The following ADCY7 variants were observed in gnomAD, a reference collection of about 807,000 sequenced individuals.
The protein encoded by ADCY7 is adenylate cyclase type 7.
In ADCY7, 72 loss-of-function variants were observed where a neutral mutation model predicts 120.6. The ratio of observed to expected loss-of-function variants is 0.60; its 90% confidence interval spans 0.49 to 0.73. ADCY7 has a LOEUF of 0.73. ADCY7 is among the 30% of genes least tolerant of loss of function. The probability of loss-of-function intolerance (pLI) is 0.00; values close to 1 mark genes in which losing one functional copy is unlikely to be tolerated. For synonymous variants in ADCY7, 661 were observed against 628.0 expected, an observed-to-expected ratio of 1.05 and a Z score of -0.78; for missense variants, 1,227 against 1,486.0, an observed-to-expected ratio of 0.83 and a Z score of 2.87.
At chr16:50,299,962 C>T (rs2035609438) in intron 8 of ADCY7, among the ~76,000 whole-genome samples, 1 of 152,178 alleles carries the variant, frequency 6.6e-6, no homozygotes, top group East Asian at 1.9e-4. Context: ...ACTCCCAGGG[C>T]CCCTGCTTCC....
In ADCY7 at chr16:50,313,235, G is replaced by A; in HGVS notation, c.2751+199G>A. The A allele has an allele frequency of 8.8e-6, 5 of 567,624 alleles. No individual in the cohort carries two copies. The South Asian group carries it at 1.1e-4, about 12-fold the overall frequency. 35.2% of individuals were successfully genotyped at this position (567,624 alleles called of 1,614,324 possible). On this transcript the variant is annotated intron_variant, in intron 22 of 25. Transcript: ENST00000673801. Reference sequence around the variant, plus strand: ...AGTTCGAGACCAGCCTGGCCAACATGGCGAAACCCTGTCTCTACTGAAAAT... The same window carrying A: ...AGTTCGAGACCAGCCTGGCCAACATAGCGAAACCCTGTCTCTACTGAAAAT...
rs553347319 is a variant in ADCY7, at chr16:50,267,586, G to T, written c.-269+906G>T. 5.3e-5 allele frequency among the ~76,000 whole-genome samples: 8 copies of T among 152,326 alleles called. 1 individual carries two copies. The South Asian group carries it at 1.7e-3, about 32-fold the overall frequency. On this transcript the variant is annotated intron_variant, in intron 1 of 25. Transcript: ENST00000673801. ...CCTTCACTAGCATCACCATCTTGCA[G>T]ATGGAGGCTGTGAGGGGTGGACTCA...
At chr16:50,303,925 C>G (rs1247401521) in intron 10 of ADCY7, among the ~76,000 whole-genome samples, 1 of 152,114 alleles carries the variant, frequency 6.6e-6, no homozygotes, top group Non-Finnish European at 1.5e-5. Context: ...CTGTGGCTTT[C>G]CCAGGCGCCT....
chr16:50,305,624 C>G, intron 13 of ADCY7, 38 bp downstream of exon 13: 13 of 1,555,356 alleles, frequency 8.4e-6, no homozygotes, highest in African/African-American at 1.4e-5. Flanking sequence ...CCTCTCCTCT[C>G]CCCCTCGGAT....
chr16:50,281,028 T>G lies in ADCY7; in HGVS notation c.-268-6884T>G, dbSNP rs142750832. On this transcript the variant is annotated intron_variant, in intron 1 of 25. Transcript: ENST00000673801. ...GGCTCATGCCGTTGGGGAATTTCAG[T>G]CTTTGCCCCTGCTCGGCAACTTTGC... Among the ~76,000 whole-genome samples the G allele has an allele frequency of 2.6e-5, 4 of 152,138 alleles. No homozygotes were observed. The East Asian group carries it at 7.7e-4, about 29-fold the overall frequency.
intron 20 of ADCY7, 108 bp from the exon 21 acceptor site, chr16:50,311,928 C>T (rs987879573): frequency 1.3e-6 from 2 of 1,534,854 alleles, no homozygotes; most frequent in Non-Finnish European, 1.8e-6. Context: ...GGTCCCCTGG[C>T]CAGAGGCTCC....
intron 1 of ADCY7, among the ~76,000 whole-genome samples, chr16:50,285,037 G>C (rs2034496152): frequency 6.6e-6 from 1 of 152,206 alleles, no homozygotes. Context: ...GGATGTATAT[G>C]GTTAGCACAC....
At chr16:50,259,555 C>T (rs896585968) in intron 1 of ADCY7, among the ~76,000 whole-genome samples, 7 of 152,204 alleles carry the variant, frequency 4.6e-5, no homozygotes, top group South Asian at 2.1e-4. Flanking sequence ...GTCTCCCAGG[C>T]GTGGCAGAGA....
rs2035123069 is a variant in ADCY7 at position 50,293,343 on chromosome 16, C to A, written c.688-11C>A. ...GCTGGTCCCTCTGCTGGTCTGCCCA[C>A]CCACACCCAGGAGAACCTGCTGCTG... On this transcript the variant is annotated splice_polypyrimidine_tract_variant and intron_variant, in intron 5 of 25. Transcript: ENST00000673801. The A allele has an allele frequency of 6.2e-7, 1 of 1,611,566 alleles. No homozygotes were observed. The highest frequency in any genetic ancestry group is 1.3e-5 in the African/African-American group (1 of 74,896).
chr16:50,310,757 A>C lies in ADCY7; in HGVS notation c.2231A>C (p.Lys744Thr). 6.2e-7 allele frequency: 1 copy of C among 1,614,116 alleles called. No individual in the cohort carries two copies. Among genetic ancestry groups the C allele is most frequent in the Non-Finnish European group, 8.5e-7 (1 of 1,180,008 alleles). The change falls in exon 19 of 26, where the codon AAG (lysine) becomes ACG (threonine). Residue 744 changes from lysine (K) to threonine (T), a missense_variant. Physicochemically the swap from Lys to Thr is moderately conservative, Grantham distance 78 (BLOSUM62 -1). This residue lies in a region of ADCY7 where 267 missense variants were observed against 270.0 expected (regional missense o/e 0.99). Transcript: ENST00000673801. ...TTCCTGAGGATGAGCCTGGAGCCAA[A>C]GGTTGTGCTGCTGACAGTGGCCCTG... is the stretch of plus-strand genomic sequence containing the variant. ...SVFLRMSLEP[K>T]VVLLTVALVA...
chr16:50,304,566 C>T lies in ADCY7; in HGVS notation c.1560+15C>T. The stretch of plus-strand genomic sequence containing the variant: ...GGAGGCCTAAGGTAGGTCCCCCTCC[C>T]ACCCAGAAAGCCAGGGATTGGGGCC... On this transcript the variant is annotated intron_variant, in intron 11 of 25. Transcript: ENST00000673801. The T allele has an allele frequency of 2.6e-6, 4 of 1,521,520 alleles. No individual in the cohort carries two copies. The highest frequency in any genetic ancestry group is 3.5e-6 in the Non-Finnish European group (4 of 1,133,378). The allele number at this position is 1,521,520 out of a possible 1,614,324, so 94.3% of individuals were successfully genotyped here.
intron 1 of ADCY7, among the ~76,000 whole-genome samples, chr16:50,260,947 G>A (rs573297555): frequency 7.0e-4 from 107 of 152,306 alleles, no homozygotes; most frequent in African/African-American, 2.5e-3. Flanking sequence ...TGTGGGAGGG[G>A]ACCATTCACA....
rs72782128 is a variant in ADCY7 at position 50,275,260 on chromosome 16, C to T, written c.-269+8580C>T. Reference sequence around the variant, plus strand: ...CACAGGCAGGTGCATGGGCTGGTCCCGCCAGCACCTGCAACCTTCTTGTGC... The same window carrying T: ...CACAGGCAGGTGCATGGGCTGGTCCTGCCAGCACCTGCAACCTTCTTGTGC... On this transcript the variant is annotated intron_variant, in intron 1 of 25. Transcript: ENST00000673801. Among the ~76,000 whole-genome samples, 1,090 of 152,314 alleles carry T rather than the reference C, an allele frequency of 7.2e-3. 7 individuals carry two copies. The highest frequency in any genetic ancestry group is 0.012 in the Non-Finnish European group (803 of 68,028).
At chr16:50,308,537 C>A in intron 16 of ADCY7, 126 bp downstream of exon 16, 1 of 1,555,646 alleles carries the variant, frequency 6.4e-7, no homozygotes, top group Non-Finnish European at 8.7e-7. Context: ...GCCCATCTCT[C>A]CTGCCTCGGG....
intron 1 of ADCY7, among the ~76,000 whole-genome samples, chr16:50,259,216 C>T (rs771904901): frequency 6.6e-6 from 1 of 152,190 alleles, no homozygotes; most frequent in Non-Finnish European, 1.5e-5. Flanking sequence ...AAAATACAGG[C>T]ATCCCTGTGA....
At chr16:50,250,393 G>T (rs936425503) in intron 1 of ADCY7, among the ~76,000 whole-genome samples, 2 of 149,334 alleles carry the variant, frequency 1.3e-5, no homozygotes, top group African/African-American at 4.9e-5. Context: ...GGAGGCGGAG[G>T]TTGCAGTGAG....
intron 1 of ADCY7, among the ~76,000 whole-genome samples, chr16:50,253,553 CA>C (rs1337244445): frequency 6.6e-6 from 1 of 152,116 alleles, no homozygotes; most frequent in East Asian, 1.9e-4. Context: ...CGCACCCAGC[CA>C]AAAATGGGTC....
rs376861086 is a variant in ADCY7 at position 50,314,363 on chromosome 16, C to T, written c.2928C>T (p.Asp976=). The change falls in exon 24 of 26, where the codon GAC becomes GAT. Residue 976 remains aspartate, a synonymous_variant. Transcript: ENST00000673801. ...GCATCGCCCTGATGAGTAAGCTGGA[C>T]GGCATCAACAGGCACTCCTTCAACT... ...EFSIALMSKL[D]GINRHSFNSF... 2.0e-5 allele frequency: 33 copies of T among 1,613,984 alleles called. No homozygotes were observed. Among genetic ancestry groups the T allele is most frequent in the African/African-American group, 2.7e-5 (2 of 74,944 alleles).
chr16:50,255,362 G>A (rs1425571764), intron 1 of ADCY7, among the ~76,000 whole-genome samples: 1 of 128,934 alleles, frequency 7.8e-6, no homozygotes, highest in African/African-American at 2.9e-5. Flanking sequence ...GGGATTACAG[G>A]CATGAGCTAC....
Sources: allele counts gnomAD v4.1 joint callset (sites outside exome capture counted in the v4.1 genomes callset), GRCh38; gene constraint gnomAD v4.1.1; regional missense constraint gnomAD v4.1.1; transcripts MANE v1.5; gene names NCBI Gene and HGNC (gene_info 2026-07-23, HGNC 2026-07-21).